The following CLEC16A variants were observed in gnomAD, a reference collection of about 807,000 sequenced individuals.
The protein encoded by CLEC16A is C-type lectin domain containing 16A.
A neutral mutation model predicts 109.5 loss-of-function variants in CLEC16A; 51 were observed. The observed-to-expected ratio is 0.47, with a 90% confidence interval of 0.37 to 0.59. CLEC16A has a LOEUF of 0.59. Among genes scored for constraint, CLEC16A ranks in the 20% least tolerant of loss-of-function variants. The pLI, the probability that CLEC16A is intolerant of heterozygous loss-of-function variation, is 0.00. For missense variants in CLEC16A, 1,339 were observed against 1,394.0 expected (o/e 0.96, Z 0.63); for synonymous variants, 673 against 564.2 (o/e 1.19, Z -2.73).
intron 19 of CLEC16A, among the ~76,000 whole-genome samples, chr16:11,088,642 G>C (rs768688280): frequency 3.9e-5 from 6 of 152,192 alleles, no homozygotes; most frequent in Non-Finnish European, 5.9e-5. Flanking sequence ...AGCTTCTCCA[G>C]AGAGGGCTGT....
intron 19 of CLEC16A, among the ~76,000 whole-genome samples, chr16:11,083,009 C>T (rs1198160215): frequency 6.6e-6 from 1 of 152,212 alleles, no homozygotes; most frequent in Non-Finnish European, 1.5e-5. Context: ...ACACTGACCC[C>T]TGGAGAGCCC....
Position 11,174,334 on chromosome 16 carries a change from C to G in CLEC16A, c.2807-4001C>G. The G allele has an allele frequency of 4.7e-6, 2 of 421,720 alleles. No individual in the cohort carries two copies. The highest frequency in any genetic ancestry group is 9.9e-6 in the Non-Finnish European group (2 of 202,290). The allele number at this position is 421,720 out of a possible 1,614,324, so 26.1% of individuals were successfully genotyped here. On this transcript the variant is annotated intron_variant, in intron 23 of 23. Transcript: ENST00000409790. This position sits in a 1 kb window ranked among gnomAD's most constrained non-coding sequence, Gnocchi z 4.7. Reference sequence around the variant, plus strand: ...GACGTCCACTCGCCACGCTGCATTTCCACAGTCGGCAGGGTCCGCGCTGGC... The same window carrying G: ...GACGTCCACTCGCCACGCTGCATTTGCACAGTCGGCAGGGTCCGCGCTGGC...
In CLEC16A at chr16:11,178,249, C is replaced by T. The variant is rs377454671; in HGVS notation, c.2807-86C>T. ...CACCTCCCACCTAGCTCACCAGGGC[C>T]GCGGTTCAGGATGGGAGCACAGGGC... On this transcript the variant is annotated intron_variant, in intron 23 of 23. Coordinates refer to ENST00000409790, the MANE Select transcript of CLEC16A (RefSeq NM_015226.3). This position sits in a 1 kb window ranked among gnomAD's most constrained non-coding sequence, Gnocchi z 6.5. The T allele has an allele frequency of 3.3e-4, 410 of 1,233,082 alleles. 6 individuals carry two copies. In the South Asian group the frequency reaches 5.4e-3, roughly 16 times the overall value. The allele number at this position is 1,233,082 out of a possible 1,614,324, so 76.4% of individuals were successfully genotyped here.
At chr16:11,015,919 G>A (rs1363838431) in intron 11 of CLEC16A, among the ~76,000 whole-genome samples, 1 of 152,232 alleles carries the variant, frequency 6.6e-6, no homozygotes, top group Non-Finnish European at 1.5e-5. Context: ...GCCTCATGGG[G>A]CAGAGGCCAG....
chr16:11,001,830 A>G (rs925257778), intron 10 of CLEC16A, among the ~76,000 whole-genome samples: 12 of 152,154 alleles, frequency 7.9e-5, no homozygotes, highest in Admixed American at 5.9e-4. Flanking sequence ...TAAAGGAAGA[A>G]CTTTGTCCTC....
Position 11,074,720 on chromosome 16 carries a change from G to A in CLEC16A, c.2116+13698G>A, listed in dbSNP as rs75937570. Reference sequence around the variant, plus strand: ...GACTGTGCCCTCTTTTGTTGTTGATGTATTGAAGTGGCTCTAGGACAGTTC... The same window carrying A: ...GACTGTGCCCTCTTTTGTTGTTGATATATTGAAGTGGCTCTAGGACAGTTC... On this transcript the variant is annotated intron_variant, in intron 19 of 23. Coordinates refer to ENST00000409790, the MANE Select transcript of CLEC16A (RefSeq NM_015226.3). Among the ~76,000 whole-genome samples, 22 of 152,330 alleles carry A rather than the reference G, an allele frequency of 1.4e-4. No homozygotes were observed. In the East Asian group the frequency reaches 3.1e-3, roughly 21 times the overall value.
At chr16:10,981,240 C>T (rs2043305896) in intron 9 of CLEC16A, among the ~76,000 whole-genome samples, 1 of 152,118 alleles carries the variant, frequency 6.6e-6, no homozygotes, top group Admixed American at 6.5e-5. Flanking sequence ...AGGTACGTAA[C>T]GGATATTTGA....
In CLEC16A at chr16:11,178,413, C is replaced by G; in HGVS notation, c.2885C>G (p.Ser962Cys). 1 of 1,613,834 alleles carries G rather than the reference C, an allele frequency of 6.2e-7. No homozygotes were observed. ...LVIVNETEAD[S>C]KPSKNVARSA... ...ATCGTCAACGAAACGGAAGCAGACT[C>G]TAAGCCCAGCAAGAACGTGGCCAGG... Residue 962 changes from serine (S) to cysteine (C), a missense_variant, in exon 24 of 24, where the codon TCT (serine) becomes TGT (cysteine). Ser to Cys is a moderately radical substitution (Grantham distance 112). Around this residue, in one of 3 missense-constraint regions of CLEC16A, gnomAD observed 1,061 missense variants for 1,006.8 expected, o/e 1.05. Coordinates refer to ENST00000409790, the MANE Select transcript of CLEC16A (RefSeq NM_015226.3). This position sits in a 1 kb window ranked among gnomAD's most constrained non-coding sequence, Gnocchi z 6.5.
rs1245410345 is a variant in CLEC16A, at chr16:10,954,520, C to G, written c.81-3262C>G. 1.3e-5 allele frequency among the ~76,000 whole-genome samples: 2 copies of G among 152,158 alleles called. No individual in the cohort carries two copies. The highest frequency in any genetic ancestry group is 4.8e-5 in the African/African-American group (2 of 41,414). Reference sequence around the variant, plus strand: ...GTTAGTTATCTGTTATCTCCCAACACCACCAAAATAGGTAGATACTAAAGT... The same window carrying G: ...GTTAGTTATCTGTTATCTCCCAACAGCACCAAAATAGGTAGATACTAAAGT... On this transcript the variant is annotated intron_variant, in intron 1 of 23. Coordinates refer to ENST00000409790, the MANE Select transcript of CLEC16A (RefSeq NM_015226.3). This position sits in a 1 kb window ranked among gnomAD's most constrained non-coding sequence, Gnocchi z 4.2.
At chr16:11,028,556 A>G (rs1230646178) in intron 13 of CLEC16A, among the ~76,000 whole-genome samples, 4 of 152,144 alleles carry the variant, frequency 2.6e-5, no homozygotes, top group Non-Finnish European at 5.9e-5. Context: ...AAAAAAAAAA[A>G]AAGAAGCTCT....
chr16:10,974,785 A>G (rs986183287), intron 7 of CLEC16A, among the ~76,000 whole-genome samples: 4 of 152,240 alleles, frequency 2.6e-5, no homozygotes, highest in African/African-American at 7.2e-5. Flanking sequence ...ACACTTAACT[A>G]TAGAAAGAAC....
rs72650683 is a variant in CLEC16A at position 10,944,701 on chromosome 16, G to T, written c.-17G>T. ...GGCATGAGACCGTGAGACGAGAGACGGGTCGGGGCCGCCGACATGTTTGGC... is the reference window on the plus strand; with the variant it reads ...GGCATGAGACCGTGAGACGAGAGACTGGTCGGGGCCGCCGACATGTTTGGC... On this transcript the variant is annotated 5_prime_UTR_variant, in exon 1 of 24. Transcript: ENST00000409790. The T allele has an allele frequency of 4.7e-3, 7,553 of 1,597,854 alleles. 29 individuals carry two copies. Among genetic ancestry groups the T allele is most frequent in the Non-Finnish European group, 5.3e-3 (6,265 of 1,172,670 alleles).
intron 23 of CLEC16A, among the ~76,000 whole-genome samples, chr16:11,168,107 A>G (rs2068349894): frequency 1.3e-5 from 2 of 152,168 alleles, no homozygotes; most frequent in South Asian, 2.1e-4. Flanking sequence ...TAAAGTTAAC[A>G]CCGGCAAAGA....
intron 22 of CLEC16A, among the ~76,000 whole-genome samples, chr16:11,155,507 C>T (rs1395998262): frequency 6.6e-6 from 1 of 152,266 alleles, no homozygotes. Flanking sequence ...TCCCACAGGT[C>T]TGCCAGGGCA....
chr16:10,983,746 G>A (rs918267259), intron 10 of CLEC16A, among the ~76,000 whole-genome samples: 2 of 151,992 alleles, frequency 1.3e-5, no homozygotes, highest in African/African-American at 2.4e-5. Context: ...CTTAATCCTG[G>A]TCTGACTTGC....
chr16:11,109,108 CAAAAAAAA>C (rs33997945), intron 19 of CLEC16A, among the ~76,000 whole-genome samples: 5 of 58,254 alleles, frequency 8.6e-5, no homozygotes, highest in African/African-American at 1.4e-4. Context: ...GAGACTGTCT[CAAAAAAAA>C]AAAAAAAAAA....
Position 11,181,004 on chromosome 16 carries a change from T to C in CLEC16A, c.*2314T>C, listed in dbSNP as rs199749058. Reference sequence around the variant, plus strand: ...TCCCCATGTGGGCTTGCAGGGTCACTCTCAGGGGCCTCTTTCAGCTGGGGC... The same window carrying C: ...TCCCCATGTGGGCTTGCAGGGTCACCCTCAGGGGCCTCTTTCAGCTGGGGC... On this transcript the variant is annotated 3_prime_UTR_variant, in exon 24 of 24. Transcript: ENST00000409790. The C allele has an allele frequency of 6.6e-6, 1 of 152,416 alleles. No homozygotes were observed. The highest frequency in any genetic ancestry group is 2.4e-5 in the African/African-American group (1 of 41,430). The allele number at this position is 152,416 out of a possible 1,614,324, so 9.4% of individuals were successfully genotyped here.
intron 22 of CLEC16A, among the ~76,000 whole-genome samples, chr16:11,153,760 A>C (rs942637698): frequency 2.0e-5 from 3 of 152,122 alleles, no homozygotes; most frequent in Admixed American, 6.5e-5. Flanking sequence ...AAAGGAAATC[A>C]ATACTTTTAT....
chr16:10,984,747 A>G (rs1463940226), intron 10 of CLEC16A, among the ~76,000 whole-genome samples: 2 of 152,338 alleles, frequency 1.3e-5, no homozygotes, highest in Admixed American at 6.5e-5. Flanking sequence ...TGCTAAATGA[A>G]TGTAAGTCAC....
Sources: gnomAD v4.1 joint callset for allele counts (sites outside exome capture counted in the v4.1 genomes callset) on GRCh38, gnomAD v4.1.1 for gene constraint, gnomAD v4.1.1 regional missense constraint, Gnocchi (gnomAD v3.1) non-coding constraint, MANE v1.5 for transcripts, NCBI Gene and HGNC (gene_info 2026-07-23, HGNC 2026-07-21) for gene names.